The following TPD52 variants were observed in gnomAD, a reference collection of about 807,000 sequenced individuals.
TPD52 encodes prostate and colon associated protein.
TPD52 carries 17 observed loss-of-function variants against 31.3 expected under a neutral mutation model. The observed-to-expected ratio is 0.54, with a 90% confidence interval of 0.37 to 0.82. The LOEUF (loss-of-function observed/expected upper bound fraction) is 0.82. Ranked by LOEUF, TPD52 falls within the 40% of genes least tolerant of loss-of-function variation. The pLI, the probability that TPD52 is intolerant of heterozygous loss-of-function variation, is 0.00. For missense variants in TPD52, 212 were observed against 240.1 expected (o/e 0.88, Z 0.77); for synonymous variants, 83 against 89.6 (o/e 0.93, Z 0.42).
intron 1 of TPD52, among the ~76,000 whole-genome samples, chr8:80,143,175 T>C (rs1011275502): frequency 2.6e-5 from 4 of 151,074 alleles, no homozygotes; most frequent in Non-Finnish European, 5.9e-5. Context: ...GCTGAAAAGA[T>C]GAAATATGAT....
intron 2 of TPD52, among the ~76,000 whole-genome samples, chr8:80,054,481 T>C (rs1056761551): frequency 2.0e-5 from 3 of 151,986 alleles, no homozygotes; most frequent in African/African-American, 4.8e-5. Context: ...TCCCAGGAAA[T>C]TGAAAATCTA....
intron 1 of TPD52, among the ~76,000 whole-genome samples, chr8:80,139,395 C>CT (rs1207110975): frequency 5.5e-5 from 8 of 145,334 alleles, no homozygotes; most frequent in Admixed American, 3.5e-4. Flanking sequence ...CATCAGCAGC[C>CT]TAGGCTAGTA....
intron 1 of TPD52, among the ~76,000 whole-genome samples, chr8:80,065,822 ATAT>A (rs555811312): frequency 1.1e-4 from 16 of 151,910 alleles, no homozygotes; most frequent in African/African-American, 3.9e-4. Context: ...TTGTATTTGT[ATAT>A]TATTTGACGA....
chr8:80,132,415 C>G (rs1183047283), intron 1 of TPD52, among the ~76,000 whole-genome samples: 1 of 151,962 alleles, frequency 6.6e-6, no homozygotes, highest in African/African-American at 2.4e-5. Flanking sequence ...TCCATGTTGT[C>G]CAGGCTGGTC....
At chr8:80,138,101 G>A (rs1356084529) in intron 1 of TPD52, among the ~76,000 whole-genome samples, 4 of 152,082 alleles carry the variant, frequency 2.6e-5, no homozygotes, top group Admixed American at 6.5e-5. Flanking sequence ...GCGCCACCAC[G>A]CCCGGCTAAT....
intron 1 of TPD52, among the ~76,000 whole-genome samples, chr8:80,138,305 C>T (rs1046266105): frequency 6.6e-6 from 1 of 152,126 alleles, no homozygotes; most frequent in Non-Finnish European, 1.5e-5. Context: ...CTGTGTTTGA[C>T]AATAAGAGGC....
intron 1 of TPD52, among the ~76,000 whole-genome samples, chr8:80,108,104 T>G (rs570802342): frequency 1.1e-3 from 165 of 152,306 alleles, no homozygotes; most frequent in Middle Eastern, 3.4e-3. Flanking sequence ...GGACCTGTCT[T>G]TAGGCAGACA....
intron 1 of TPD52, chr8:80,080,560 A>G: frequency 6.8e-7 from 1 of 1,476,816 alleles, no homozygotes; most frequent in South Asian, 1.5e-5. Flanking sequence ...CACTGAAGAA[A>G]TCAACCCCAG....
chr8:80,064,619 T>G, intron 1 of TPD52, 26 bp from the exon 2 acceptor site: 2 of 1,570,486 alleles, frequency 1.3e-6, no homozygotes, highest in Non-Finnish European at 1.8e-6. Flanking sequence ...AACCATTTTT[T>G]AAAGTGCAAA....
intron 1 of TPD52, among the ~76,000 whole-genome samples, chr8:80,164,227 CA>C (rs1436961147): frequency 1.3e-5 from 2 of 152,086 alleles, no homozygotes; most frequent in African/African-American, 2.4e-5. Flanking sequence ...GTAATCAGAG[CA>C]AACTAGCCCT....
At chr8:80,161,721 T>C (rs1466912711) in intron 1 of TPD52, among the ~76,000 whole-genome samples, 1 of 80,072 alleles carries the variant, frequency 1.2e-5, no homozygotes, top group African/African-American at 7.9e-5. Context: ...TTTATATATA[T>C]ATATATATAT....
chr8:80,135,622 C>T (rs1467483793), intron 1 of TPD52, among the ~76,000 whole-genome samples: 1 of 151,302 alleles, frequency 6.6e-6, no homozygotes, highest in Non-Finnish European at 1.5e-5. Context: ...CCCAGCCATC[C>T]CATTACTGGG....
At chr8:80,119,609 G>A (rs113847957) in intron 1 of TPD52, among the ~76,000 whole-genome samples, 2,046 of 152,108 alleles carry the variant, frequency 0.013, 21 homozygotes, top group Middle Eastern at 0.02. Context: ...CAAGAAAAAG[G>A]GATTTCAATT....
intron 1 of TPD52, among the ~76,000 whole-genome samples, chr8:80,128,247 A>T (rs1808767922): frequency 6.6e-6 from 1 of 151,918 alleles, no homozygotes; most frequent in Non-Finnish European, 1.5e-5. Flanking sequence ...ACTTTTATTC[A>T]TAGAAGGAAA....
intron 1 of TPD52, among the ~76,000 whole-genome samples, chr8:80,101,187 C>T (rs1486717404): frequency 6.6e-6 from 1 of 152,192 alleles, no homozygotes; most frequent in Admixed American, 6.5e-5. Context: ...GTGGCTCACG[C>T]CTGTAATCCC....
chr8:80,062,249 A>T (rs112109329), intron 2 of TPD52, among the ~76,000 whole-genome samples: 1 of 152,268 alleles, frequency 6.6e-6, no homozygotes, highest in African/African-American at 2.4e-5. Flanking sequence ...CAGAGTCCAG[A>T]AATAAACCTA....
At chr8:80,167,442 A>C (rs899422409) in intron 1 of TPD52, among the ~76,000 whole-genome samples, 1 of 152,170 alleles carries the variant, frequency 6.6e-6, no homozygotes, top group African/African-American at 2.4e-5. Flanking sequence ...AACCCCTCCT[A>C]CCACTCAGCT....
Position 80,034,897 on chromosome 8 carries a change from T to G in TPD52, c.*3219A>C, listed in dbSNP as rs573424620. On this transcript the variant is annotated 3_prime_UTR_variant, in exon 8 of 8. Coordinates refer to ENST00000518937, the MANE Select transcript of TPD52 (RefSeq NM_001025253.3). ...AGTTGCCAAATAGCATTTATTTGAG[T>G]ACAAAATCCTGGCAGGCAAAAGCAC... is the stretch of plus-strand genomic sequence containing the variant. The G allele has an allele frequency of 6.6e-6, 1 of 152,288 alleles. No individual in the cohort carries two copies. The highest frequency in any genetic ancestry group is 1.9e-4 in the East Asian group (1 of 5,190). 9.4% of individuals were successfully genotyped at this position (152,288 alleles called of 1,614,324 possible).
At chr8:80,130,767 T>C (rs1038334924) in intron 1 of TPD52, among the ~76,000 whole-genome samples, 3 of 152,218 alleles carry the variant, frequency 2.0e-5, no homozygotes, top group African/African-American at 7.2e-5. Flanking sequence ...ATATAAATCC[T>C]GGCATTTTCT....
Sources: allele counts gnomAD v4.1 joint callset (sites outside exome capture counted in the v4.1 genomes callset), GRCh38; gene constraint gnomAD v4.1.1; transcripts MANE v1.5; gene names NCBI Gene and HGNC (gene_info 2026-07-23, HGNC 2026-07-21).